UNC13C: variants seen among roughly 807,000 people sequenced by gnomAD.
UNC13C encodes protein unc-13 homolog C.
In UNC13C, 174 loss-of-function variants were observed where a neutral mutation model predicts 245.4. The observed-to-expected ratio is 0.71, with a 90% CI of 0.63 to 0.80. UNC13C has a LOEUF of 0.80. Among genes scored for constraint, UNC13C ranks in the 30% least tolerant of loss-of-function variants. The pLI, the probability that UNC13C is intolerant of heterozygous loss-of-function variation, is 0.00. For synonymous variants in UNC13C, 992 were observed against 895.1 expected, an observed-to-expected ratio of 1.11 and a Z score of -1.93; for missense variants, 2,829 against 2,602.9, an observed-to-expected ratio of 1.09 and a Z score of -1.89.
chr15:54,395,040 A>G (rs1364114072), intron 18 of UNC13C, among the ~76,000 whole-genome samples: 1 of 151,742 alleles, frequency 6.6e-6, no homozygotes, highest in African/African-American at 2.4e-5. Context: ...GTTTAAGTCC[A>G]CTTTTTTCCT....
intron 14 of UNC13C, among the ~76,000 whole-genome samples, chr15:54,331,353 A>T (rs2038430571): frequency 6.6e-6 from 1 of 152,064 alleles, no homozygotes; most frequent in Admixed American, 6.6e-5. Context: ...TTAATAAGAG[A>T]AAAGCTCTTT....
intron 18 of UNC13C, among the ~76,000 whole-genome samples, chr15:54,401,047 AT>A (rs1244191585): frequency 6.6e-6 from 1 of 152,150 alleles, no homozygotes; most frequent in Non-Finnish European, 1.5e-5. Flanking sequence ...ATTCATTAGA[AT>A]TTTTTGTAAA....
chr15:53,901,218 C>CTTTTTT, the UNC13C span, among the ~76,000 whole-genome samples: 1 of 104,828 alleles, frequency 9.5e-6, no homozygotes, highest in African/African-American at 3.7e-5. Flanking sequence ...TCATAGATTT[C>CTTTTTT]TTTTTTTTTT....
chr15:54,288,152 C>A (rs1004641377), intron 10 of UNC13C, among the ~76,000 whole-genome samples: 4 of 152,130 alleles, frequency 2.6e-5, no homozygotes, highest in Non-Finnish European at 5.9e-5. Flanking sequence ...TTGTATGTAG[C>A]AACCATAGAG....
chr15:54,178,664 T>A (rs971603538), intron 4 of UNC13C, among the ~76,000 whole-genome samples: 1 of 152,122 alleles, frequency 6.6e-6, no homozygotes, highest in Non-Finnish European at 1.5e-5. Context: ...GGGTCAGGCT[T>A]TGCTCACACA....
intron 19 of UNC13C, among the ~76,000 whole-genome samples, chr15:54,480,177 A>G (rs1436004584): frequency 1.3e-5 from 2 of 152,026 alleles, no homozygotes; most frequent in East Asian, 3.9e-4. Flanking sequence ...CTGTTGGAAG[A>G]TCTGTGAGCT....
At chr15:53,922,257 T>C in the UNC13C span, among the ~76,000 whole-genome samples, 1 of 152,186 alleles carries the variant, frequency 6.6e-6, no homozygotes, top group African/African-American at 2.4e-5. Flanking sequence ...CTCATTCTAA[T>C]ACCAATTGTG....
At chr15:54,285,522 T>G (rs896163185) in intron 10 of UNC13C, among the ~76,000 whole-genome samples, 1 of 152,148 alleles carries the variant, frequency 6.6e-6, no homozygotes, top group Non-Finnish European at 1.5e-5. Flanking sequence ...ATTTGCTGGG[T>G]CAGAGTTTAA....
chr15:54,341,943 T>C (rs1412502627), intron 17 of UNC13C, among the ~76,000 whole-genome samples: 3 of 148,976 alleles, frequency 2.0e-5, no homozygotes, highest in Non-Finnish European at 3.0e-5. Context: ...ACCACTGCAC[T>C]CCAGCCTGGG....
chr15:54,584,807 G>A (rs754339471), intron 30 of UNC13C, among the ~76,000 whole-genome samples: 3 of 152,300 alleles, frequency 2.0e-5, no homozygotes, highest in Admixed American at 6.5e-5. Flanking sequence ...AGATGAGACC[G>A]GGCTTCAGGG....
intron 30 of UNC13C, among the ~76,000 whole-genome samples, chr15:54,582,735 C>T (rs557320679): frequency 6.6e-6 from 1 of 152,146 alleles, no homozygotes; most frequent in East Asian, 1.9e-4. Context: ...GCCAACTAGC[C>T]AAAACTGTGA....
intron 17 of UNC13C, among the ~76,000 whole-genome samples, chr15:54,352,625 T>C (rs2039010084): frequency 1.3e-5 from 2 of 151,914 alleles, no homozygotes; most frequent in Admixed American, 1.3e-4. Flanking sequence ...CTAGAATATA[T>C]ATGTATTTTT....
intron 30 of UNC13C, among the ~76,000 whole-genome samples, chr15:54,573,671 G>C (rs951111232): frequency 6.6e-6 from 1 of 152,150 alleles, no homozygotes; most frequent in Admixed American, 6.6e-5. Flanking sequence ...TCTCAAGTAG[G>C]GGTGGTTTTC....
At chr15:54,175,159 A>G (rs983397187) in intron 4 of UNC13C, among the ~76,000 whole-genome samples, 1 of 152,170 alleles carries the variant, frequency 6.6e-6, no homozygotes, top group Admixed American at 6.5e-5. Flanking sequence ...TCCCTGCAGC[A>G]GAAACTAACT....
At chr15:54,211,812 A>C (rs560597358) in intron 4 of UNC13C, among the ~76,000 whole-genome samples, 5 of 152,038 alleles carry the variant, frequency 3.3e-5, no homozygotes, top group African/African-American at 1.2e-4. Context: ...TTGTATGACA[A>C]CTCTCAACCC....
Position 54,627,112 on chromosome 15 carries a change from GAAACA to G in UNC13C, c.*2_*6del. ...ACAAGATCTACTGAAGAGAGTGCTT[GAAACA>G]AACACTGCAAGCTAAATACATAACT... On this transcript the variant is annotated stop_retained_variant and 3_prime_UTR_variant, in exon 33 of 33. Transcript: ENST00000260323. 5 of 1,606,240 alleles carry G rather than the reference GAAACA, an allele frequency of 3.1e-6. No individual in the cohort carries two copies. Among genetic ancestry groups the G allele is most frequent in the Non-Finnish European group, 4.3e-6 (5 of 1,175,604 alleles).
rs535185288 is a variant in UNC13C at position 53,978,901 on chromosome 15, AT to A, written c.-274del. Among the ~76,000 whole-genome samples, 3 of 151,550 alleles carry A rather than the reference AT, an allele frequency of 2.0e-5. No homozygotes were observed. The highest frequency in any genetic ancestry group is 6.6e-5 in the Admixed American group (1 of 15,220). ...GAAGAACAACCCAGTTGGCGTGCAC[AT>A]TTTTTTTTAAAGGAGAATTCCTCAG... On this transcript the variant is annotated 5_prime_UTR_variant, in exon 1 of 33. Coordinates refer to ENST00000260323, the MANE Select transcript of UNC13C (RefSeq NM_001080534.3).
chr15:53,937,201 G>A, the UNC13C span, among the ~76,000 whole-genome samples: 1 of 152,140 alleles, frequency 6.6e-6, no homozygotes, highest in Admixed American at 6.5e-5. Flanking sequence ...TAACCTGATG[G>A]AGCTGAAAAA....
chr15:54,089,545 A>C (rs1302824602), intron 2 of UNC13C, among the ~76,000 whole-genome samples: 2 of 152,124 alleles, frequency 1.3e-5, no homozygotes, highest in Non-Finnish European at 2.9e-5. Context: ...ATGTGTGTTC[A>C]CTGGGGTAGA....
Sources: allele counts gnomAD v4.1 joint callset (sites outside exome capture counted in the v4.1 genomes callset), GRCh38; gene constraint gnomAD v4.1.1; transcripts MANE v1.5; gene names NCBI Gene and HGNC (gene_info 2026-07-23, HGNC 2026-07-21).